Variants in PRKAR1A observed in about 807,000 individuals in gnomAD.
PRKAR1A encodes the protein cAMP-dependent protein kinase type I-alpha regulatory subunit.
PRKAR1A carries 3 observed loss-of-function variants against 52.0 expected under a neutral mutation model. That is an observed-to-expected ratio of 0.06 (90% CI 0.03 to 0.15). The LOEUF (loss-of-function observed/expected upper bound fraction) is 0.15, where lower values mean the gene tolerates loss of function less well. PRKAR1A is among the 10% of genes least tolerant of loss of function. PRKAR1A has a pLI of 1.00. For synonymous variants in PRKAR1A, 188 were observed against 168.4 expected (o/e 1.12, Z -0.90); for missense variants, 240 against 477.4 (o/e 0.50, Z 4.63).
At chr17:68,543,682 G>A (rs978797485) in intron 11 of PRKAR1A, 24 of 1,614,048 alleles carry the variant, frequency 1.5e-5, no homozygotes, top group Non-Finnish European at 1.9e-5. Flanking sequence ...AGTCAATGAA[G>A]TAGAAGAAGT....
the PRKAR1A span, chr17:68,428,774 C>T: frequency 1.4e-6 from 2 of 1,394,608 alleles, no homozygotes; most frequent in Non-Finnish European, 2.0e-6. Flanking sequence ...GGCGAAGGGA[C>T]AACTCTACAC....
chr17:68,542,092 G>A (rs754871684), intron 11 of PRKAR1A: 3 of 1,613,994 alleles, frequency 1.9e-6, no homozygotes, highest in South Asian at 2.2e-5. Flanking sequence ...CCTCCAGCAG[G>A]TGTGGGTTGC....
the PRKAR1A span, among the ~76,000 whole-genome samples, chr17:68,484,478 C>T: frequency 1.3e-5 from 2 of 148,448 alleles, no homozygotes; most frequent in Non-Finnish European, 3.0e-5. Context: ...TTTTGTATTC[C>T]ATCGGGTTTT....
chr17:68,422,728 T>A, the PRKAR1A span: 1 of 68,596 alleles, frequency 1.5e-5, no homozygotes, highest in Non-Finnish European at 2.6e-5. Flanking sequence ...GACTCTATCA[T>A]CTCAAAAAAA....
At chr17:68,461,148 CTT>C in the PRKAR1A span, among the ~76,000 whole-genome samples, 3 of 152,014 alleles carry the variant, frequency 2.0e-5, no homozygotes, top group African/African-American at 4.8e-5. This position sits in a 1 kb window ranked among gnomAD's most constrained non-coding sequence, Gnocchi z 4.6. Context: ...TGGCCTTTCT[CTT>C]TCTTTCAACT....
At chr17:68,416,941 ATAAC>A in the PRKAR1A span, among the ~76,000 whole-genome samples, 1 of 152,122 alleles carries the variant, frequency 6.6e-6, no homozygotes, top group African/African-American at 2.4e-5. Flanking sequence ...AATTAGCTTA[ATAAC>A]TAACCTCCTG....
chr17:68,524,376 T>G (rs1274198175), intron 5 of PRKAR1A, among the ~76,000 whole-genome samples: 1 of 152,186 alleles, frequency 6.6e-6, no homozygotes, highest in Non-Finnish European at 1.5e-5. Flanking sequence ...TCTCATGTTC[T>G]TTATATTGTT....
the PRKAR1A span, among the ~76,000 whole-genome samples, chr17:68,484,873 G>A: frequency 6.6e-6 from 1 of 152,140 alleles, no homozygotes; most frequent in Non-Finnish European, 1.5e-5. Context: ...ATAAAAGTGG[G>A]GAGTCAAAGG....
rs2085993552 is a variant in PRKAR1A, at chr17:68,532,174, T to C, written c.*1725T>C. ...ATATTAAATGAGGGTTTCTGATCTG[T>C]ACTTTGTGTTTAGCTACCTTTTTAT... On this transcript the variant is annotated 3_prime_UTR_variant, in exon 11 of 11. Transcript: ENST00000589228. The C allele has an allele frequency of 9.6e-7, 1 of 1,046,678 alleles. No homozygotes were observed. The highest frequency in any genetic ancestry group is 1.6e-5 in the African/African-American group (1 of 60,728). 64.8% of individuals were successfully genotyped at this position (1,046,678 alleles called of 1,614,324 possible). A position where few individuals can be genotyped will look rare whatever the true frequency, so the allele number is the denominator to read the frequency against.
chr17:68,427,286 A>G, the PRKAR1A span: 6 of 1,532,952 alleles, frequency 3.9e-6, no homozygotes, highest in Admixed American at 3.4e-5. Context: ...GGTGAAAGAA[A>G]AAAGAAATCA....
chr17:68,429,952 G>T, the PRKAR1A span: 1 of 1,609,532 alleles, frequency 6.2e-7, no homozygotes, highest in Admixed American at 1.7e-5. Context: ...AAAATACATT[G>T]ACGAAAGTGT....
chr17:68,489,186 G>GTATATATATATA, the PRKAR1A span, among the ~76,000 whole-genome samples: 2 of 11,094 alleles, frequency 1.8e-4, no homozygotes, highest in Non-Finnish European at 3.3e-4. Context: ...ATCTTGGAAA[G>GTATATATATATA]TATATATATA....
chr17:68,526,266 A>T (rs1245403099), intron 7 of PRKAR1A, among the ~76,000 whole-genome samples: 1 of 152,206 alleles, frequency 6.6e-6, no homozygotes, highest in Admixed American at 6.5e-5. Context: ...TTAAGTGCTT[A>T]AAGTTATTTG....
intron 11 of PRKAR1A, among the ~76,000 whole-genome samples, chr17:68,539,586 G>A (rs535204160): frequency 1.1e-4 from 17 of 152,360 alleles, no homozygotes; most frequent in Non-Finnish European, 2.2e-4. Flanking sequence ...TTAGAGCTAA[G>A]CAATCCTTCA....
the PRKAR1A span, chr17:68,420,653 C>T: frequency 1.5e-6 from 1 of 687,960 alleles, no homozygotes; most frequent in African/African-American, 1.8e-5. Context: ...CTGAGCTGCG[C>T]TGGCTCTGGG....
the PRKAR1A span, chr17:68,426,010 T>C: frequency 4.7e-6 from 6 of 1,285,252 alleles, no homozygotes; most frequent in Non-Finnish European, 6.8e-6. Context: ...GCCTCTCGTA[T>C]GAGGCGAAGG....
chr17:68,506,060 C>A, the PRKAR1A span, among the ~76,000 whole-genome samples: 2 of 152,194 alleles, frequency 1.3e-5, no homozygotes, highest in Non-Finnish European at 2.9e-5. Flanking sequence ...AAGACATCCA[C>A]GCCCATTCAT....
chr17:68,457,438 G>A, the PRKAR1A span: 109 of 416,304 alleles, frequency 2.6e-4, no homozygotes, highest in Non-Finnish European at 3.5e-4. Context: ...CTCGGCCCGG[G>A]AAGCCGCAGC....
the PRKAR1A span, among the ~76,000 whole-genome samples, chr17:68,487,990 A>AGG: frequency 2.0e-5 from 3 of 152,128 alleles, no homozygotes; most frequent in South Asian, 6.2e-4. Flanking sequence ...AAAGAGAGAG[A>AGG]GAGGGAATAA....
Sources: gnomAD v4.1 joint callset for allele counts (sites outside exome capture counted in the v4.1 genomes callset) on GRCh38, gnomAD v4.1.1 for gene constraint, Gnocchi (gnomAD v3.1) non-coding constraint, MANE v1.5 for transcripts, NCBI Gene and HGNC (gene_info 2026-07-23, HGNC 2026-07-21) for gene names.